The following ABCC3 variants were observed in gnomAD, a reference collection of about 807,000 sequenced individuals.
ABCC3 encodes the protein ATP binding cassette subfamily C member 3.
Under a neutral mutation model 165.3 loss-of-function variants are expected in ABCC3, and 121 were observed. The observed-to-expected ratio is 0.73, with a 90% CI of 0.63 to 0.85. The LOEUF (loss-of-function observed/expected upper bound fraction) is 0.85, where lower values mean the gene tolerates loss of function less well. Among genes scored for constraint, ABCC3 ranks in the 40% least tolerant of loss-of-function variants. The pLI is 0.00. For synonymous variants in ABCC3, 733 were observed against 810.1 expected (o/e 0.90, Z 1.62); for missense variants, 1,869 against 1,964.1 (o/e 0.95, Z 0.92).
In ABCC3 at chr17:50,687,570, G is replaced by C; in HGVS notation, c.4315G>C (p.Ala1439Pro). Reference protein sequence around the residue: ...GQRQLVCLARALLRKSRILVL... With the variant: ...GQRQLVCLARPLLRKSRILVL... ...GAGGCAGCTCGTGTGCCTGGCCCGA[G>C]CCCTGCTCCGCAAGAGCCGCATCCT... Residue 1439 changes from alanine (A) to proline (P), a missense_variant, in exon 30 of 31, where the codon GCC becomes CCC. By Grantham distance (27) the Ala-to-Pro change is conservative. Coordinates refer to ENST00000285238, the MANE Select transcript of ABCC3 (RefSeq NM_003786.4). 1 of 1,614,046 alleles carries C rather than the reference G, an allele frequency of 6.2e-7. No individual in the cohort carries two copies. Among genetic ancestry groups the C allele is most frequent in the African/African-American group, 1.3e-5 (1 of 75,074 alleles).
At chr17:50,685,216 C>T (rs778598466) in intron 29 of ABCC3, among the ~76,000 whole-genome samples, 6 of 152,150 alleles carry the variant, frequency 3.9e-5, no homozygotes, top group East Asian at 1.9e-4. Context: ...GAAGCCCTCT[C>T]CCCTCCAGAG....
intron 4 of ABCC3, 55 bp from the exon 5 acceptor site, chr17:50,658,027 G>A (rs529892084): frequency 6.2e-7 from 1 of 1,612,320 alleles, no homozygotes; most frequent in East Asian, 2.2e-5. Context: ...CAGGGCAGGG[G>A]CTGCAGGCCC....
intron 1 of ABCC3, among the ~76,000 whole-genome samples, chr17:50,641,210 C>T (rs1444816317): frequency 2.6e-5 from 4 of 152,220 alleles, no homozygotes; most frequent in Non-Finnish European, 4.4e-5. Context: ...GGATGTGGGA[C>T]CTTACCCCTT....
intron 30 of ABCC3, among the ~76,000 whole-genome samples, chr17:50,688,661 C>T (rs547793410): frequency 5.9e-5 from 9 of 152,144 alleles, no homozygotes; most frequent in East Asian, 1.9e-4. Context: ...CCAAGGAGGG[C>T]GGATGACTTG....
In ABCC3 at chr17:50,673,599, A is replaced by G. The variant is rs1567835219; in HGVS notation, c.2540A>G (p.Asn847Ser). ...ALLQRNGSFA[N>S]FLCNYAPDED... ...CTGCAGCGCAACGGCTCCTTTGCCA[A>G]CTTTCTCTGCAACTATGCCCCCGAT... The change falls in exon 19 of 31, where the codon AAC becomes AGC. Residue 847 changes from asparagine (N) to serine (S), a missense_variant. Transcript: ENST00000285238. 1.2e-6 allele frequency: 2 copies of G among 1,614,078 alleles called. No individual in the cohort carries two copies. The highest frequency in any genetic ancestry group is 1.7e-6 in the Non-Finnish European group (2 of 1,180,026).
At position 50,663,336 on chromosome 17, in the gene ABCC3, G is replaced by A. The variant is rs1311338492; in HGVS notation, c.999-345G>A. 16 of 290,816 alleles carry A rather than the reference G, an allele frequency of 5.5e-5. No homozygotes were observed. In the East Asian group the frequency reaches 1.1e-3, roughly 20 times the overall value. The allele number at this position is 290,816 out of a possible 1,614,324, so 18.0% of individuals were successfully genotyped here. A position where few individuals can be genotyped will look rare whatever the true frequency, so the allele number is the denominator to read the frequency against. ...GAATCTAGAGCCCCCAGCAGCCTAG[G>A]AGAAGGAGCAGGGAAGTCCAGTCAA... is the stretch of plus-strand genomic sequence containing the variant. On this transcript the variant is annotated intron_variant, in intron 8 of 30. Transcript: ENST00000285238.
At chr17:50,648,305 G>A (rs545897538) in intron 1 of ABCC3, among the ~76,000 whole-genome samples, 4 of 152,234 alleles carry the variant, frequency 2.6e-5, no homozygotes, top group East Asian at 1.9e-4. Flanking sequence ...GTAAAAGCTC[G>A]GGGATTGGAG....
Position 50,660,933 on chromosome 17 carries a change from T to C in ABCC3, c.817T>C (p.Ser273Pro). The C allele has an allele frequency of 6.2e-7, 1 of 1,601,002 alleles. No homozygotes were observed. Among genetic ancestry groups the C allele is most frequent in the Non-Finnish European group, 8.5e-7 (1 of 1,174,128 alleles). ...QEKQTARHKA[S>P]AAPGKNASGE... ...TCCTCCCTGGACCAGACACAAGGCT[T>C]CAGCAGCACCTGGGAAAAATGCCTC... Residue 273 changes from serine (S) to proline (P), a missense_variant, in exon 8 of 31, where the codon TCA becomes CCA. Ser to Pro is a moderately conservative substitution (Grantham distance 74). Coordinates refer to ENST00000285238, the MANE Select transcript of ABCC3 (RefSeq NM_003786.4).
chr17:50,683,778 C>T (rs1289831541), intron 27 of ABCC3, 22 bp downstream of exon 27: 1 of 1,596,396 alleles, frequency 6.3e-7, no homozygotes, highest in Admixed American at 1.8e-5. Context: ...GTAGGCGGGC[C>T]TGCGTGTGTG....
intron 27 of ABCC3, 22 bp downstream of exon 27, chr17:50,683,778 C>G: frequency 6.3e-7 from 1 of 1,596,396 alleles, no homozygotes; most frequent in Non-Finnish European, 8.5e-7. Context: ...GTAGGCGGGC[C>G]TGCGTGTGTG....
At position 50,683,599 on chromosome 17, in the gene ABCC3, C is replaced by A; in HGVS notation, c.3808-11C>A. On this transcript the variant is annotated splice_polypyrimidine_tract_variant and intron_variant, in intron 26 of 30. Transcript: ENST00000285238. Reference sequence around the variant, plus strand: ...GGCAGCTGATGTGACCCCATCTGCCCCTCCTGCCAGGCGCCCTGGGTGGTG... The same window carrying A: ...GGCAGCTGATGTGACCCCATCTGCCACTCCTGCCAGGCGCCCTGGGTGGTG... The A allele has an allele frequency of 6.5e-7, 1 of 1,547,696 alleles. No homozygotes were observed. Among genetic ancestry groups the A allele is most frequent in the Non-Finnish European group, 8.7e-7 (1 of 1,148,404 alleles).
Position 50,634,910 on chromosome 17 carries a change from C to A in ABCC3, c.-27C>A. 8.0e-7 allele frequency: 1 copy of A among 1,252,948 alleles called. No individual in the cohort carries two copies. 77.6% of individuals were successfully genotyped at this position (1,252,948 alleles called of 1,614,324 possible). ...CCGCCGCTGGGTCCGACCGCGCTCG[C>A]CTTCCTTGCAGCCGCGCCTCGGCCC... On this transcript the variant is annotated 5_prime_UTR_variant, in exon 1 of 31. Coordinates refer to ENST00000285238, the MANE Select transcript of ABCC3 (RefSeq NM_003786.4).
chr17:50,665,864 A>G (rs940274275), intron 11 of ABCC3, among the ~76,000 whole-genome samples: 1 of 151,590 alleles, frequency 6.6e-6, no homozygotes, highest in African/African-American at 2.4e-5. Context: ...CGTTCATCTT[A>G]GCCTCCCAAA....
intron 30 of ABCC3, among the ~76,000 whole-genome samples, chr17:50,689,142 C>T (rs199965376): frequency 1.4e-4 from 21 of 152,258 alleles, no homozygotes; most frequent in Middle Eastern, 3.4e-3. Flanking sequence ...GCAGAGTTTG[C>T]GCCACTGCAC....
At chr17:50,688,968 C>T (rs1347171640) in intron 30 of ABCC3, among the ~76,000 whole-genome samples, 4 of 151,720 alleles carry the variant, frequency 2.6e-5, no homozygotes, top group African/African-American at 9.7e-5. Context: ...TTTGGGAGGC[C>T]GAGGCAGGCA....
intron 29 of ABCC3, 70 bp from the exon 30 acceptor site, chr17:50,687,466 G>C: frequency 3.4e-6 from 5 of 1,485,356 alleles, no homozygotes; most frequent in South Asian, 1.2e-5. Flanking sequence ...GAGTGAAACA[G>C]GTCTGGGAAT....
chr17:50,662,605 T>C (rs1967416477), intron 8 of ABCC3, among the ~76,000 whole-genome samples: 1 of 131,874 alleles, frequency 7.6e-6, no homozygotes, highest in Non-Finnish European at 1.5e-5. Flanking sequence ...ACCACCGCAC[T>C]CCAGTCTAGG....
intron 30 of ABCC3, among the ~76,000 whole-genome samples, chr17:50,690,621 A>AGCAGCAGCAGCAGCAGCC (rs574702420): frequency 1.3e-5 from 2 of 152,138 alleles, no homozygotes; most frequent in Non-Finnish European, 2.9e-5. Flanking sequence ...ACCGAGCAGC[A>AGCAGCAGCAGCAGCAGCC]GCAGCAGCAG....
intron 1 of ABCC3, among the ~76,000 whole-genome samples, chr17:50,653,688 G>A (rs368686139): frequency 3.3e-5 from 5 of 152,104 alleles, no homozygotes; most frequent in African/African-American, 1.2e-4. Context: ...GGGAGGCAGA[G>A]GTTGCAGTGA....
Sources: allele counts gnomAD v4.1 joint callset (sites outside exome capture counted in the v4.1 genomes callset), GRCh38; gene constraint gnomAD v4.1.1; transcripts MANE v1.5; gene names NCBI Gene and HGNC (gene_info 2026-07-23, HGNC 2026-07-21).